Variants in SHISA9 observed in about 807,000 individuals in gnomAD.
SHISA9 encodes the protein shisa family member 9.
In SHISA9, 13 loss-of-function variants were observed where a neutral mutation model predicts 38.0. The observed-to-expected ratio is 0.34, with a 90% CI of 0.22 to 0.54. SHISA9 has a LOEUF of 0.54. Among genes scored for constraint, SHISA9 ranks in the 20% least tolerant of loss-of-function variants. SHISA9 has a pLI of 0.91. For synonymous variants in SHISA9, 275 were observed against 242.0 expected (o/e 1.14, Z -1.27); for missense variants, 538 against 575.8 (o/e 0.93, Z 0.67).
chr16:13,424,840 T>G, the SHISA9 span, among the ~76,000 whole-genome samples: 2 of 152,246 alleles, frequency 1.3e-5, no homozygotes, highest in Non-Finnish European at 2.9e-5. Flanking sequence ...CCTGGCTGCT[T>G]TAAGGCTTTG....
chr16:13,489,621 C>G, the SHISA9 span, among the ~76,000 whole-genome samples: 9 of 152,162 alleles, frequency 5.9e-5, no homozygotes, highest in African/African-American at 2.2e-4. Flanking sequence ...TCCCCTTTCA[C>G]TTGGCTCTCA....
intron 2 of SHISA9, among the ~76,000 whole-genome samples, chr16:13,166,519 T>C (rs1012009316): frequency 4.6e-5 from 7 of 152,192 alleles, no homozygotes; most frequent in Non-Finnish European, 4.4e-5. Context: ...CTCTGCACCC[T>C]CTCTCCCTTT....
the SHISA9 span, among the ~76,000 whole-genome samples, chr16:13,375,875 A>G: frequency 5.3e-3 from 801 of 152,284 alleles, 5 homozygotes; most frequent in African/African-American, 0.019. Flanking sequence ...CCCAACACCT[A>G]TCAAAATCCT....
chr16:13,531,883 C>T, the SHISA9 span, among the ~76,000 whole-genome samples: 1 of 152,158 alleles, frequency 6.6e-6, no homozygotes, highest in Non-Finnish European at 1.5e-5. Context: ...GATGAATTAT[C>T]ACAGTACTCG....
At chr16:13,334,914 C>T in the SHISA9 span, among the ~76,000 whole-genome samples, 21 of 152,306 alleles carry the variant, frequency 1.4e-4, no homozygotes, top group African/African-American at 3.6e-4. Flanking sequence ...TACCCACCCA[C>T]GCCTCCTGGA....
chr16:13,220,598 C>T (rs991920738), intron 4 of SHISA9, among the ~76,000 whole-genome samples: 1 of 152,154 alleles, frequency 6.6e-6, no homozygotes, highest in African/African-American at 2.4e-5. Context: ...ATTTAGAAAA[C>T]CACCAGTTGT....
At chr16:13,127,953 G>A (rs899779065) in intron 2 of SHISA9, among the ~76,000 whole-genome samples, 1 of 152,170 alleles carries the variant, frequency 6.6e-6, no homozygotes, top group African/African-American at 2.4e-5. Flanking sequence ...CACTGCGATT[G>A]TTCAATTCTT....
chr16:13,087,657 A>G (rs1427962568), intron 2 of SHISA9, among the ~76,000 whole-genome samples: 1 of 152,076 alleles, frequency 6.6e-6, no homozygotes, highest in Non-Finnish European at 1.5e-5. Flanking sequence ...TCCTTTGCCC[A>G]CTTTTTGATG....
chr16:13,167,022 T>C (rs892154081), intron 2 of SHISA9, among the ~76,000 whole-genome samples: 2 of 151,778 alleles, frequency 1.3e-5, no homozygotes, highest in South Asian at 2.1e-4. Flanking sequence ...TTTAGGAGAA[T>C]TTTTTTTATT....
the SHISA9 span, among the ~76,000 whole-genome samples, chr16:13,527,806 G>A: frequency 3.9e-5 from 6 of 152,084 alleles, no homozygotes; most frequent in Non-Finnish European, 8.8e-5. Context: ...GCAACCAAAG[G>A]AACTTACATT....
chr16:13,318,472 G>A, the SHISA9 span, among the ~76,000 whole-genome samples: 3 of 152,150 alleles, frequency 2.0e-5, no homozygotes, highest in Non-Finnish European at 2.9e-5. Context: ...AAGTACAGGT[G>A]TGTGCCACCC....
At chr16:13,171,763 G>C (rs1212083515) in intron 2 of SHISA9, among the ~76,000 whole-genome samples, 1 of 152,158 alleles carries the variant, frequency 6.6e-6, no homozygotes, top group Non-Finnish European at 1.5e-5. Context: ...TCTTTATCCT[G>C]AGAGAATGGT....
At chr16:13,352,095 T>G in the SHISA9 span, among the ~76,000 whole-genome samples, 2 of 152,100 alleles carry the variant, frequency 1.3e-5, no homozygotes, top group African/African-American at 4.8e-5. Flanking sequence ...CTTCTTCAGC[T>G]TCTAACACCA....
chr16:13,561,629 G>T, the SHISA9 span, among the ~76,000 whole-genome samples: 1 of 152,180 alleles, frequency 6.6e-6, no homozygotes, highest in Non-Finnish European at 1.5e-5. Context: ...GAGGTGTGGG[G>T]AGCTGAGGGT....
At chr16:12,971,122 T>A (rs2072075970) in intron 2 of SHISA9, among the ~76,000 whole-genome samples, 1 of 152,194 alleles carries the variant, frequency 6.6e-6, no homozygotes, top group African/African-American at 2.4e-5. Context: ...AGTCTCTCTT[T>A]TAGCTGTCTG....
At chr16:13,375,604 G>A in the SHISA9 span, among the ~76,000 whole-genome samples, 12 of 152,096 alleles carry the variant, frequency 7.9e-5, no homozygotes, top group East Asian at 3.9e-4. Flanking sequence ...GTCAGGTAGC[G>A]TGACTTTCAA....
At chr16:13,224,787 TTTTTCAG>T (rs2051262932) in intron 4 of SHISA9, among the ~76,000 whole-genome samples, 1 of 151,600 alleles carries the variant, frequency 6.6e-6, no homozygotes. Context: ...ATTAGGAGGG[TTTTTCAG>T]GAGGTAGCCT....
chr16:12,980,768 C>G (rs796519701), intron 2 of SHISA9, among the ~76,000 whole-genome samples: 15 of 152,068 alleles, frequency 9.9e-5, no homozygotes, highest in African/African-American at 3.6e-4. Flanking sequence ...ACTTCTTCCT[C>G]TGGAAGACTT....
At chr16:13,457,624 G>A in the SHISA9 span, among the ~76,000 whole-genome samples, 1 of 151,370 alleles carries the variant, frequency 6.6e-6, no homozygotes, top group Admixed American at 6.6e-5. Flanking sequence ...CTTGTTCTCT[G>A]TTGTTCTTTC....
Sources: allele counts gnomAD v4.1 joint callset (sites outside exome capture counted in the v4.1 genomes callset), GRCh38; gene constraint gnomAD v4.1.1; transcripts MANE v1.5; gene names NCBI Gene and HGNC (gene_info 2026-07-23, HGNC 2026-07-21).